The following HS6ST3 variants were observed in gnomAD, a reference collection of about 807,000 sequenced individuals.
HS6ST3 encodes the protein heparan sulfate 6-O-sulfotransferase 3.
HS6ST3 carries 12 observed loss-of-function variants against 36.7 expected under a neutral mutation model. The ratio of observed to expected loss-of-function variants is 0.33; its 90% CI spans 0.21 to 0.53. The LOEUF is 0.53. Among genes scored for constraint, HS6ST3 ranks in the 20% least tolerant of loss-of-function variants. The pLI is 0.95. For synonymous variants in HS6ST3, 240 were observed against 257.5 expected, an observed-to-expected ratio of 0.93 and a Z score of 0.65; for missense variants, 584 against 640.9, an observed-to-expected ratio of 0.91 and a Z score of 0.96.
At chr13:96,509,205 G>GT (rs759005385) in intron 1 of HS6ST3, among the ~76,000 whole-genome samples, 56 of 151,894 alleles carry the variant, frequency 3.7e-4, no homozygotes, top group Admixed American at 3.0e-3. Flanking sequence ...GGGATTATTT[G>GT]TTTTTTCTTG....
chr13:96,417,590 ATGTGTGTGTGTGTG>A (rs148288275), intron 1 of HS6ST3, among the ~76,000 whole-genome samples: 3 of 139,982 alleles, frequency 2.1e-5, no homozygotes, highest in East Asian at 4.3e-4. Flanking sequence ...GCATATATAT[ATGTGTGTGTGTGTG>A]TGTGTGTGTG....
intron 1 of HS6ST3, among the ~76,000 whole-genome samples, chr13:96,299,086 A>G (rs1174115310): frequency 6.6e-6 from 1 of 152,146 alleles, no homozygotes; most frequent in African/African-American, 2.4e-5. Flanking sequence ...TCTTTGGGCT[A>G]TTTCTCATGG....
chr13:96,504,173 G>A (rs923571938), intron 1 of HS6ST3, among the ~76,000 whole-genome samples: 2 of 152,102 alleles, frequency 1.3e-5, no homozygotes, highest in African/African-American at 4.8e-5. Context: ...AGTTGCTACT[G>A]TTGTTCCCGG....
At chr13:96,198,377 G>A (rs920202336) in intron 1 of HS6ST3, among the ~76,000 whole-genome samples, 7 of 152,176 alleles carry the variant, frequency 4.6e-5, no homozygotes, top group Admixed American at 1.3e-4. Flanking sequence ...TGCTACTTAG[G>A]CAGGTTTCTG....
At chr13:96,215,488 A>G (rs755641565) in intron 1 of HS6ST3, among the ~76,000 whole-genome samples, 4 of 152,226 alleles carry the variant, frequency 2.6e-5, no homozygotes, top group Admixed American at 2.6e-4. Context: ...TTGGTGATAT[A>G]AAACTGTGTA....
In HS6ST3 at chr13:96,660,413, A is replaced by G. The variant is rs145355644; in HGVS notation, c.708-172077A>G. Among the ~76,000 whole-genome samples, 1,213 of 152,274 alleles carry G rather than the reference A, an allele frequency of 8.0e-3. 16 individuals carry two copies. Among genetic ancestry groups the G allele is most frequent in the African/African-American group, 0.027 (1,111 of 41,562 alleles). ...AAATCATATTAGCCAACATTTATTC[A>G]TACACAATGAGGAAAGGATAGTCTT... On this transcript the variant is annotated intron_variant, in intron 1 of 1. Coordinates refer to ENST00000376705, the MANE Select transcript of HS6ST3 (RefSeq NM_153456.4).
chr13:96,566,595 C>T (rs960847746), intron 1 of HS6ST3, among the ~76,000 whole-genome samples: 7 of 152,118 alleles, frequency 4.6e-5, no homozygotes, highest in South Asian at 2.1e-4. Flanking sequence ...GAAAGAGCAA[C>T]GGGAAGTCCC....
At chr13:96,133,138 T>C (rs1199120308) in intron 1 of HS6ST3, among the ~76,000 whole-genome samples, 2 of 152,062 alleles carry the variant, frequency 1.3e-5, no homozygotes, top group Non-Finnish European at 2.9e-5. Flanking sequence ...TTAATTATTA[T>C]TATTTTTTGA....
chr13:96,670,457 T>G (rs1007766705), intron 1 of HS6ST3, among the ~76,000 whole-genome samples: 10 of 152,070 alleles, frequency 6.6e-5, no homozygotes, highest in Non-Finnish European at 7.4e-5. Context: ...TAATTTTTTT[T>G]AAAGGCATGA....
intron 1 of HS6ST3, among the ~76,000 whole-genome samples, chr13:96,658,268 CTTTTTTTTTTTTTTTTT>C (rs71213623): frequency 1.1e-3 from 85 of 76,168 alleles, no homozygotes; most frequent in South Asian, 8.9e-3. Flanking sequence ...TCTTCTTCTT[CTTTTTTTTTTTTTTTTT>C]TTTTTTTTTT....
At chr13:96,541,659 G>A (rs1254876660) in intron 1 of HS6ST3, among the ~76,000 whole-genome samples, 2 of 152,150 alleles carry the variant, frequency 1.3e-5, no homozygotes, top group East Asian at 3.9e-4. Flanking sequence ...TTACTGAGAA[G>A]CTTCTGAAAA....
chr13:96,452,329 C>G (rs1041811926), intron 1 of HS6ST3, among the ~76,000 whole-genome samples: 6 of 152,142 alleles, frequency 3.9e-5, no homozygotes, highest in African/African-American at 1.4e-4. Flanking sequence ...AGCAGGAACT[C>G]AAGTGTTGAA....
At chr13:96,727,493 C>T (rs372208763) in intron 1 of HS6ST3, among the ~76,000 whole-genome samples, 1 of 152,096 alleles carries the variant, frequency 6.6e-6, no homozygotes, top group African/African-American at 2.4e-5. Context: ...CCCTTTTCTC[C>T]TACAATCTGT....
intron 1 of HS6ST3, among the ~76,000 whole-genome samples, chr13:96,486,317 A>G (rs1003664613): frequency 3.3e-5 from 5 of 152,138 alleles, no homozygotes; most frequent in African/African-American, 7.2e-5. Context: ...TAGTGCCTCA[A>G]TAAACATCCG....
At chr13:96,418,827 C>CT (rs1476907747) in intron 1 of HS6ST3, among the ~76,000 whole-genome samples, 3 of 152,226 alleles carry the variant, frequency 2.0e-5, no homozygotes, top group African/African-American at 7.2e-5. Context: ...CTTCTCGACT[C>CT]TAACTCCAGG....
intron 1 of HS6ST3, among the ~76,000 whole-genome samples, chr13:96,547,934 C>G (rs956573279): frequency 1.3e-5 from 2 of 151,874 alleles, no homozygotes; most frequent in Non-Finnish European, 2.9e-5. Flanking sequence ...CAGAGGCACC[C>G]AAGGAAGTCA....
At chr13:96,593,968 T>C (rs2056392609) in intron 1 of HS6ST3, among the ~76,000 whole-genome samples, 1 of 151,998 alleles carries the variant, frequency 6.6e-6, no homozygotes, top group Non-Finnish European at 1.5e-5. Flanking sequence ...GGTCTTTTTT[T>C]TTTTTGAGGT....
intron 1 of HS6ST3, among the ~76,000 whole-genome samples, chr13:96,823,966 T>G (rs541594475): frequency 1.6e-4 from 25 of 152,352 alleles, no homozygotes; most frequent in Non-Finnish European, 2.9e-4. Flanking sequence ...TCCATAATGG[T>G]AATACATTAT....
At chr13:96,396,502 G>T (rs993494431) in intron 1 of HS6ST3, among the ~76,000 whole-genome samples, 5 of 152,048 alleles carry the variant, frequency 3.3e-5, no homozygotes, top group Non-Finnish European at 7.4e-5. Context: ...AGATATATAG[G>T]TTCTACTGCA....
Sources: gnomAD v4.1 joint callset for allele counts (sites outside exome capture counted in the v4.1 genomes callset) on GRCh38, gnomAD v4.1.1 for gene constraint, MANE v1.5 for transcripts, NCBI Gene and HGNC (gene_info 2026-07-23, HGNC 2026-07-21) for gene names.